Variants in NOTCH3 observed in about 807,000 individuals in gnomAD.
NOTCH3 encodes the protein neurogenic locus notch homolog protein 3.
Under a neutral mutation model 213.3 loss-of-function variants are expected in NOTCH3, and 86 were observed. The observed-to-expected ratio is 0.40, with a 90% confidence interval of 0.34 to 0.48. The LOEUF is 0.48. NOTCH3 is among the 20% of genes least tolerant of loss of function. The pLI is 0.57. For synonymous variants in NOTCH3, 1,354 were observed against 1,355.9 expected (o/e 1.00, Z 0.03); for missense variants, 2,783 against 3,272.6 (o/e 0.85, Z 3.65).
intron 6 of NOTCH3, 81 bp from the exon 7 acceptor site, chr19:15,189,509 C>A: frequency 1.3e-6 from 2 of 1,534,748 alleles, no homozygotes; most frequent in Non-Finnish European, 1.8e-6. Context: ...ATTGTTTTGT[C>A]GTTGTTGTTG....
chr19:15,197,251 C>T (rs923825699), intron 2 of NOTCH3, among the ~76,000 whole-genome samples: 3 of 152,150 alleles, frequency 2.0e-5, no homozygotes, highest in Non-Finnish European at 2.9e-5. Context: ...GACCATGACA[C>T]TGAGATGTAA....
At chr19:15,199,743 T>A (rs972588465) in intron 1 of NOTCH3, among the ~76,000 whole-genome samples, 1 of 152,154 alleles carries the variant, frequency 6.6e-6, no homozygotes, top group Non-Finnish European at 1.5e-5. Flanking sequence ...GGCTCCTGCC[T>A]GGTCCTGCCC....
At position 15,185,246 on chromosome 19, in the gene NOTCH3, G is replaced by T. The variant is rs185008303; in HGVS notation, c.2296+11C>A. The T allele has an allele frequency of 1.1e-5, 17 of 1,613,054 alleles. No individual in the cohort carries two copies. In the African/African-American group the frequency reaches 2.1e-4, roughly 20 times the overall value. On this transcript the variant is annotated intron_variant, in intron 14 of 32. Transcript: ENST00000263388. This position sits in a 1 kb window ranked among gnomAD's most constrained non-coding sequence, Gnocchi z 4.2. ...GTTGGTGGGGCTGCAGAGGGAAGGT[G>T]AGGTACACACCCTGGACACCAGGCG...
intron 8 of NOTCH3, 27 bp downstream of exon 8, chr19:15,188,962 C>G (rs1252244177): frequency 6.3e-7 from 1 of 1,599,300 alleles, no homozygotes. Flanking sequence ...TGCCTCAGGA[C>G]CCGCCCAGGC....
chr19:15,162,357 GTTTTA>G (rs1380296527), intron 32 of NOTCH3, 103 bp downstream of exon 32: 7 of 842,850 alleles, frequency 8.3e-6, no homozygotes, highest in African/African-American at 1.7e-5. Flanking sequence ...AATGTTTGGG[GTTTTA>G]TTTTGTTTTG....
chr19:15,160,086 G>C lies in NOTCH3; in HGVS notation c.*576C>G, dbSNP rs959394322. The C allele has an allele frequency of 1.7e-5, 4 of 233,848 alleles. No homozygotes were observed. The highest frequency in any genetic ancestry group is 3.4e-5 in the Non-Finnish European group (4 of 118,306). The allele number at this position is 233,848 out of a possible 1,614,324, so 14.5% of individuals were successfully genotyped here. A position where few individuals can be genotyped will look rare whatever the true frequency, so the allele number is the denominator to read the frequency against. ...GGCCCCAGTGGGTGCGCCCAAGGGTGCCTACTTGGTACATACCTGGGTCGT... is the reference window on the plus strand; with the variant it reads ...GGCCCCAGTGGGTGCGCCCAAGGGTCCCTACTTGGTACATACCTGGGTCGT... On this transcript the variant is annotated 3_prime_UTR_variant, in exon 33 of 33. Coordinates refer to ENST00000263388, the MANE Select transcript of NOTCH3 (RefSeq NM_000435.3).
chr19:15,167,585 G>C (rs369660955), intron 28 of NOTCH3, among the ~76,000 whole-genome samples, 174 bp from the exon 29 acceptor site: 1 of 152,158 alleles, frequency 6.6e-6, no homozygotes, highest in African/African-American at 2.4e-5. Flanking sequence ...ACAGAGTCTC[G>C]CTCTGTCCCC....
rs2046803641 is a variant in NOTCH3 at position 15,177,719 on chromosome 19, G to C, written c.4209C>G (p.Arg1403=). ...QAKRGDQRCD[R]ECNSPGCGWD... ...AGCCGCAGCCTGGGCTGTTGCACTC[G>C]CGGTCGCAGCGCTGGTCCCCGCGCT... The change falls in exon 24 of 33, where the codon CGC becomes CGG. Residue 1403 remains arginine, a synonymous_variant. Coordinates refer to ENST00000263388, the MANE Select transcript of NOTCH3 (RefSeq NM_000435.3). 6.5e-7 allele frequency: 1 copy of C among 1,531,206 alleles called. No individual in the cohort carries two copies. Among genetic ancestry groups the C allele is most frequent in the Non-Finnish European group, 8.7e-7 (1 of 1,145,360 alleles). 94.9% of individuals were successfully genotyped at this position (1,531,206 alleles called of 1,614,324 possible). A position where few individuals can be genotyped will look rare whatever the true frequency, so the allele number is the denominator to read the frequency against.
At position 15,178,847 on chromosome 19, in the gene NOTCH3, C is replaced by G. The variant is rs751726623; in HGVS notation, c.3813G>C (p.Leu1271=). The change falls in exon 23 of 33, where the codon CTG becomes CTC. Residue 1271 remains leucine (L), a synonymous_variant. Transcript: ENST00000263388. ...CCTGGGCACAGTGACAGGTGAAGGT[C>G]AGCCCACCCCCAGGACCCGGGCTAG... is the stretch of plus-strand genomic sequence containing the variant. ...CRPSPGPGGG[L]TFTCHCAQPF... 3.1e-6 allele frequency: 5 copies of G among 1,600,354 alleles called. No homozygotes were observed. Among genetic ancestry groups the G allele is most frequent in the Non-Finnish European group, 4.3e-6 (5 of 1,173,594 alleles).
In NOTCH3 at chr19:15,185,104, G is replaced by T. The variant is rs946934431; in HGVS notation, c.2297-85C>A. ...TCCCCCCACCTCCCCCAACCCCAGG[G>T]TCCCCACCTTGATACCCACCTCCCA... On this transcript the variant is annotated intron_variant, in intron 14 of 32. Transcript: ENST00000263388. This position sits in a 1 kb window ranked among gnomAD's most constrained non-coding sequence, Gnocchi z 4.2. 2 of 1,273,144 alleles carry T rather than the reference G, an allele frequency of 1.6e-6. No homozygotes were observed. Among genetic ancestry groups the T allele is most frequent in the Non-Finnish European group, 2.2e-6 (2 of 911,076 alleles). 78.9% of individuals were successfully genotyped at this position (1,273,144 alleles called of 1,614,324 possible).
In NOTCH3 at chr19:15,169,984, G is replaced by A. The variant is rs1024801911; in HGVS notation, c.5199+102C>T. ...CTGGAGCTAGGGAGGTGGGGACAGC[G>A]GTGCCATCCCCTGATCACGCCCATC... On this transcript the variant is annotated intron_variant, in intron 28 of 32. Coordinates refer to ENST00000263388, the MANE Select transcript of NOTCH3 (RefSeq NM_000435.3). 31 of 693,988 alleles carry A rather than the reference G, an allele frequency of 4.5e-5. 2 individuals carry two copies. The highest frequency in any genetic ancestry group is 2.9e-4 in the Admixed American group (14 of 47,460). The allele number at this position is 693,988 out of a possible 1,614,324, so 43.0% of individuals were successfully genotyped here.
chr19:15,165,562 AG>A lies in NOTCH3; in HGVS notation c.5668-48del, dbSNP rs1180791927. On this transcript the variant is annotated intron_variant, in intron 30 of 32. Coordinates refer to ENST00000263388, the MANE Select transcript of NOTCH3 (RefSeq NM_000435.3). This position sits in a 1 kb window ranked among gnomAD's most constrained non-coding sequence, Gnocchi z 4.7. Reference sequence around the variant, plus strand: ...GCAGGAGGGGTCATGGCAGGAACAGAGGAATCAGGAGCACCCCTAAGTCCCA... The same window carrying A: ...GCAGGAGGGGTCATGGCAGGAACAGAGAATCAGGAGCACCCCTAAGTCCCA... 8 of 1,598,588 alleles carry A rather than the reference AG, an allele frequency of 5.0e-6. No homozygotes were observed. Among genetic ancestry groups the A allele is most frequent in the Non-Finnish European group, 6.8e-6 (8 of 1,176,450 alleles).
intron 29 of NOTCH3, among the ~76,000 whole-genome samples, 156 bp from the exon 30 acceptor site, chr19:15,166,247 G>A (rs1038307702): frequency 2.6e-5 from 4 of 152,152 alleles, no homozygotes; most frequent in South Asian, 4.2e-4. Flanking sequence ...ATGAGGATTC[G>A]TGGGCACGTG....
intron 8 of NOTCH3, among the ~76,000 whole-genome samples, chr19:15,188,680 G>T (rs1353255172): frequency 2.7e-5 from 4 of 150,168 alleles, no homozygotes; most frequent in African/African-American, 9.8e-5. Flanking sequence ...CTGCAAGCTT[G>T]TCTGCAGGCT....
chr19:15,179,621 T>C, intron 20 of NOTCH3, 125 bp from the exon 21 acceptor site: 1 of 1,063,676 alleles, frequency 9.4e-7, no homozygotes, highest in South Asian at 1.3e-5. Flanking sequence ...GCACTACCAG[T>C]AGGTAATCCC....
At chr19:15,186,130 G>A (rs764141180) in intron 12 of NOTCH3, among the ~76,000 whole-genome samples, 11 of 151,854 alleles carry the variant, frequency 7.2e-5, no homozygotes, top group Non-Finnish European at 1.6e-4. Flanking sequence ...GGCTTTGGGA[G>A]TGTGTTTATT....
rs554316157 is a variant in NOTCH3 at position 15,159,522 on chromosome 19, C to G, written c.*1140G>C. On this transcript the variant is annotated 3_prime_UTR_variant, in exon 33 of 33. Transcript: ENST00000263388. ...AAAAGAGGAAGCATAAGTAGACTGGCAAGTCAAATGTATTTACCCCAAGAT... is the reference window on the plus strand; with the variant it reads ...AAAAGAGGAAGCATAAGTAGACTGGGAAGTCAAATGTATTTACCCCAAGAT... 14 of 204,046 alleles carry G rather than the reference C, an allele frequency of 6.9e-5. No homozygotes were observed. The highest frequency in any genetic ancestry group is 6.6e-4 in the Admixed American group (11 of 16,716). 12.6% of individuals were successfully genotyped at this position (204,046 alleles called of 1,614,324 possible).
rs886131574 is a variant in NOTCH3 at position 15,162,429 on chromosome 19, C to G, written c.5913+36G>C. ...GCTGGATTGCAATGGCACTGTGCCA[C>G]TGCTGACACCCAGTGGACCAAGGGC... On this transcript the variant is annotated intron_variant, in intron 32 of 32. Transcript: ENST00000263388. 4 of 1,488,146 alleles carry G rather than the reference C, an allele frequency of 2.7e-6. No homozygotes were observed. The African/African-American group carries it at 5.5e-5, about 21-fold the overall frequency. The allele number at this position is 1,488,146 out of a possible 1,614,324, so 92.2% of individuals were successfully genotyped here. A position where few individuals can be genotyped will look rare whatever the true frequency, so the allele number is the denominator to read the frequency against.
At chr19:15,197,144 G>A (rs2046975197) in intron 2 of NOTCH3, among the ~76,000 whole-genome samples, 1 of 152,166 alleles carries the variant, frequency 6.6e-6, no homozygotes, top group South Asian at 2.1e-4. Flanking sequence ...GTCCCTGATA[G>A]TTTGTTGATT....
Sources: gnomAD v4.1 joint callset for allele counts (sites outside exome capture counted in the v4.1 genomes callset) on GRCh38, gnomAD v4.1.1 for gene constraint, Gnocchi (gnomAD v3.1) non-coding constraint, MANE v1.5 for transcripts, NCBI Gene and HGNC (gene_info 2026-07-23, HGNC 2026-07-21) for gene names.